The following CSMD3 variants were observed in gnomAD, a reference collection of about 807,000 sequenced individuals.
The protein encoded by CSMD3 is CUB and Sushi multiple domains 3, also known as CUB and sushi domain-containing protein 3.
Under a neutral mutation model 435.2 loss-of-function variants are expected in CSMD3, and 177 were observed. The ratio of observed to expected loss-of-function variants is 0.41; its 90% CI spans 0.36 to 0.46. The LOEUF is 0.46. CSMD3 is among the 20% of genes least tolerant of loss of function. The pLI is 0.34. For missense variants in CSMD3, 4,265 were observed against 4,504.6 expected, an observed-to-expected ratio of 0.95 and a Z score of 1.52; for synonymous variants, 1,656 against 1,520.5, an observed-to-expected ratio of 1.09 and a Z score of -2.07.
At chr8:113,031,283 CA>C (rs989331407) in intron 5 of CSMD3, among the ~76,000 whole-genome samples, 4 of 151,610 alleles carry the variant, frequency 2.6e-5, no homozygotes, top group African/African-American at 4.8e-5. Flanking sequence ...CAAACTGTAG[CA>C]TATCCATATC....
chr8:112,628,073 T>C (rs192565889), intron 22 of CSMD3, among the ~76,000 whole-genome samples: 3 of 152,298 alleles, frequency 2.0e-5, no homozygotes, highest in Non-Finnish European at 4.4e-5. Flanking sequence ...TGAATAAGAA[T>C]TGAAGTTCAC....
intron 18 of CSMD3, among the ~76,000 whole-genome samples, chr8:112,653,028 G>A (rs1167662996): frequency 6.6e-6 from 1 of 152,078 alleles, no homozygotes; most frequent in Non-Finnish European, 1.5e-5. Flanking sequence ...CGTTGGCCAG[G>A]CTGGTCTCAA....
Position 112,490,090 on chromosome 8 carries a change from T to C in CSMD3, c.5278+2399A>G, listed in dbSNP as rs543699160. Among the ~76,000 whole-genome samples the C allele has an allele frequency of 5.9e-5, 9 of 152,310 alleles. No homozygotes were observed. The East Asian group carries it at 1.7e-3, about 29-fold the overall frequency. ...ATGTTTATCAGCACTTTGCTTCTCT[T>C]GGAACTCTGCGTTGGAAATCACAAC... is the stretch of plus-strand genomic sequence containing the variant. On this transcript the variant is annotated intron_variant, in intron 31 of 70. Coordinates refer to ENST00000297405, the MANE Select transcript of CSMD3 (RefSeq NM_198123.2).
intron 58 of CSMD3, among the ~76,000 whole-genome samples, chr8:112,284,485 A>G (rs1403267570): frequency 1.3e-5 from 2 of 151,802 alleles, no homozygotes; most frequent in African/African-American, 2.4e-5. Flanking sequence ...TGGTTCTAAT[A>G]TAGCACATAA....
At chr8:112,913,220 C>T (rs995264762) in intron 10 of CSMD3, among the ~76,000 whole-genome samples, 14 of 151,856 alleles carry the variant, frequency 9.2e-5, no homozygotes. Context: ...TCCATGGACT[C>T]GGGGGAGGAG....
chr8:112,955,702 A>G (rs1217121254), intron 7 of CSMD3, among the ~76,000 whole-genome samples: 1 of 151,874 alleles, frequency 6.6e-6, no homozygotes, highest in African/African-American at 2.4e-5. Context: ...TCTTTTACAA[A>G]ACATGGTATA....
chr8:113,426,072 G>A (rs73701400), intron 1 of CSMD3, among the ~76,000 whole-genome samples: 3,429 of 151,434 alleles, frequency 0.023, 112 homozygotes, highest in African/African-American at 0.077. Context: ...AGTATGTATC[G>A]TCTCCAAAAG....
intron 3 of CSMD3, among the ~76,000 whole-genome samples, chr8:113,220,806 G>C (rs1179841999): frequency 6.6e-6 from 1 of 151,342 alleles, no homozygotes; most frequent in East Asian, 1.9e-4. Context: ...ACCTGTTCAA[G>C]TAATTAAAAG....
At chr8:112,283,700 A>G (rs1818894077) in intron 58 of CSMD3, among the ~76,000 whole-genome samples, 1 of 151,684 alleles carries the variant, frequency 6.6e-6, no homozygotes, top group African/African-American at 2.4e-5. Context: ...TCCCTGTTGA[A>G]AAACATTTAG....
intron 15 of CSMD3, 120 bp from the exon 16 acceptor site, chr8:112,682,756 C>G: frequency 1.3e-6 from 1 of 762,398 alleles, no homozygotes; most frequent in Non-Finnish European, 2.2e-6. Context: ...GTGTTTATTT[C>G]TACACAAGTT....
intron 17 of CSMD3, among the ~76,000 whole-genome samples, chr8:112,664,765 G>A (rs1386953385): frequency 1.3e-5 from 2 of 152,042 alleles, no homozygotes; most frequent in African/African-American, 4.8e-5. Context: ...AGAAAATCAC[G>A]TGAAGATAAA....
chr8:112,569,656 A>T lies in CSMD3; in HGVS notation c.4042+3845T>A, dbSNP rs143063517. On this transcript the variant is annotated intron_variant, in intron 24 of 70. Coordinates refer to ENST00000297405, the MANE Select transcript of CSMD3 (RefSeq NM_198123.2). ...GATAATGGAATACAGGGTGACTATC[A>T]TTAAATAGGGCAGGTATCATTTGAT... is the stretch of plus-strand genomic sequence containing the variant. Among the ~76,000 whole-genome samples the T allele has an allele frequency of 5.1e-4, 78 of 152,298 alleles. 1 individual carries two copies. In the East Asian group the frequency reaches 0.014, roughly 27 times the overall value.
intron 3 of CSMD3, among the ~76,000 whole-genome samples, chr8:113,231,945 C>A (rs1368122265): frequency 1.3e-5 from 2 of 151,280 alleles, no homozygotes; most frequent in East Asian, 1.9e-4. Flanking sequence ...ATTTTTTCCC[C>A]AAAAAATGAG....
intron 9 of CSMD3, among the ~76,000 whole-genome samples, chr8:112,925,770 G>A (rs1301232949): frequency 1.3e-5 from 2 of 152,150 alleles, no homozygotes; most frequent in African/African-American, 4.8e-5. Flanking sequence ...CTTATAAGAT[G>A]CCATCTAAAT....
chr8:112,988,003 G>T (rs557327451), intron 6 of CSMD3, among the ~76,000 whole-genome samples: 2 of 152,116 alleles, frequency 1.3e-5, no homozygotes, highest in South Asian at 4.1e-4. Context: ...AAATAGAAGG[G>T]TCTAGGAATC....
rs541926244 is a variant in CSMD3 at position 112,510,413 on chromosome 8, C to T, written c.4757-3584G>A. On this transcript the variant is annotated intron_variant, in intron 28 of 70. Coordinates refer to ENST00000297405, the MANE Select transcript of CSMD3 (RefSeq NM_198123.2). ...AAATATTATCATACTGCTTATATTT[C>T]CTTGTTCTTCCATGACTTTACTCAT... 1.1e-4 allele frequency among the ~76,000 whole-genome samples: 17 copies of T among 152,260 alleles called. No individual in the cohort carries two copies. The South Asian group carries it at 3.3e-3, about 30-fold the overall frequency.
chr8:112,910,623 T>C (rs1302815879), intron 10 of CSMD3, among the ~76,000 whole-genome samples: 1 of 151,838 alleles, frequency 6.6e-6, no homozygotes, highest in Admixed American at 6.6e-5. Flanking sequence ...ATCTCACCTG[T>C]ATTTTCAACT....
chr8:113,418,931 T>C (rs1456107523), intron 1 of CSMD3, among the ~76,000 whole-genome samples: 2 of 152,174 alleles, frequency 1.3e-5, no homozygotes, highest in African/African-American at 4.8e-5. Context: ...TGGAGAAATT[T>C]AGCCAATTCT....
intron 1 of CSMD3, among the ~76,000 whole-genome samples, chr8:113,335,183 C>A (rs535153442): frequency 6.6e-6 from 1 of 152,204 alleles, no homozygotes; most frequent in South Asian, 2.1e-4. Flanking sequence ...TTACCTTCCA[C>A]CATGATTTTA....
Sources: gnomAD v4.1 joint callset for allele counts (sites outside exome capture counted in the v4.1 genomes callset) on GRCh38, gnomAD v4.1.1 for gene constraint, MANE v1.5 for transcripts, NCBI Gene and HGNC (gene_info 2026-07-23, HGNC 2026-07-21) for gene names.